CTNNA1: variants seen among roughly 807,000 people sequenced by gnomAD.
The protein encoded by CTNNA1 is catenin alpha 1, also known as catenin alpha-1.
Under a neutral mutation model 98.4 loss-of-function variants are expected in CTNNA1, and 37 were observed. That is an observed-to-expected ratio of 0.38 (90% CI 0.29 to 0.49). CTNNA1 has a LOEUF of 0.49. Ranked by LOEUF, CTNNA1 falls within the 20% of genes least tolerant of loss-of-function variation. The pLI, the probability that CTNNA1 is intolerant of heterozygous loss-of-function variation, is 0.95. For missense variants in CTNNA1, 761 were observed against 1,147.2 expected (o/e 0.66, Z 4.86); for synonymous variants, 404 against 413.2 (o/e 0.98, Z 0.27).
At chr5:138,886,961 AAATT>A (rs1393334321) in intron 8 of CTNNA1, among the ~76,000 whole-genome samples, 3 of 152,174 alleles carry the variant, frequency 2.0e-5, no homozygotes, top group Non-Finnish European at 4.4e-5. Flanking sequence ...ATATAAAACA[AAATT>A]AAAGATAAAA....
At chr5:138,823,382 A>G (rs1760234134) in intron 5 of CTNNA1, among the ~76,000 whole-genome samples, 1 of 152,198 alleles carries the variant, frequency 6.6e-6, no homozygotes. Context: ...GAAGAAATGA[A>G]AAAAAGTAGT....
At chr5:138,915,983 A>T (rs1761637817) in intron 10 of CTNNA1, among the ~76,000 whole-genome samples, 1 of 152,130 alleles carries the variant, frequency 6.6e-6, no homozygotes, top group East Asian at 1.9e-4. Flanking sequence ...TGGGAGAGGG[A>T]GGTTGCAGTG....
intron 7 of CTNNA1, among the ~76,000 whole-genome samples, chr5:138,866,851 A>C (rs1032030635): frequency 6.6e-6 from 1 of 152,184 alleles, no homozygotes; most frequent in African/African-American, 2.4e-5. Context: ...TGCAGTAGCT[A>C]TGACTTTCAC....
At chr5:138,855,924 C>T (rs1380542898) in intron 7 of CTNNA1, among the ~76,000 whole-genome samples, 1 of 152,084 alleles carries the variant, frequency 6.6e-6, no homozygotes, top group East Asian at 1.9e-4. Flanking sequence ...CTTATTATTA[C>T]AATTTTTGAA....
intron 10 of CTNNA1, among the ~76,000 whole-genome samples, chr5:138,916,151 A>G (rs1761689884): frequency 6.6e-6 from 1 of 151,046 alleles, no homozygotes; most frequent in African/African-American, 2.5e-5. Context: ...ACAAATCCAT[A>G]GAGATAGAAA....
intron 3 of CTNNA1, among the ~76,000 whole-genome samples, chr5:138,796,283 G>A (rs1266423798): frequency 1.3e-5 from 2 of 152,190 alleles, no homozygotes; most frequent in Admixed American, 6.5e-5. Flanking sequence ...TCGGCTGGGT[G>A]CGGTGGCTCA....
chr5:138,862,489 GGA>G, intron 7 of CTNNA1, among the ~76,000 whole-genome samples: 1 of 152,220 alleles, frequency 6.6e-6, no homozygotes. Context: ...TTATGATAAT[GGA>G]TAGTACTTGT....
At chr5:138,833,411 C>T (rs898275999) in intron 7 of CTNNA1, among the ~76,000 whole-genome samples, 3 of 152,202 alleles carry the variant, frequency 2.0e-5, no homozygotes, top group South Asian at 4.2e-4. Flanking sequence ...GTAAGTACAT[C>T]AGATTTCAGA....
At chr5:138,893,098 G>T (rs1254249016) in intron 9 of CTNNA1, among the ~76,000 whole-genome samples, 1 of 152,106 alleles carries the variant, frequency 6.6e-6, no homozygotes, top group Non-Finnish European at 1.5e-5. Flanking sequence ...TGATTTCCCT[G>T]AGCCTTTTAG....
At chr5:138,913,049 C>G (rs1760983388) in intron 10 of CTNNA1, among the ~76,000 whole-genome samples, 1 of 137,242 alleles carries the variant, frequency 7.3e-6, no homozygotes, top group Non-Finnish European at 1.6e-5. Flanking sequence ...TAGTATATAA[C>G]TGAAGTGACT....
chr5:138,871,757 G>A (rs1157298120), intron 7 of CTNNA1: 2 of 152,186 alleles, frequency 1.3e-5, no homozygotes, highest in Admixed American at 6.5e-5. Context: ...CATCTCAGTG[G>A]TGCTGTTTTC....
chr5:138,819,042 T>C (rs1759738613), intron 5 of CTNNA1, among the ~76,000 whole-genome samples: 1 of 147,116 alleles, frequency 6.8e-6, no homozygotes, highest in African/African-American at 2.5e-5. Flanking sequence ...ATTCTTTCCT[T>C]AGGGGGCAGG....
intron 1 of CTNNA1, among the ~76,000 whole-genome samples, chr5:138,775,719 T>C (rs900840808): frequency 1.5e-5 from 2 of 130,392 alleles, no homozygotes; most frequent in South Asian, 2.7e-4. Context: ...TATTTCTTTT[T>C]TTTTTTTTTT....
At chr5:138,866,671 T>C (rs1764815393) in intron 7 of CTNNA1, among the ~76,000 whole-genome samples, 3 of 152,182 alleles carry the variant, frequency 2.0e-5, no homozygotes, top group Non-Finnish European at 4.4e-5. Context: ...TATTTTCATT[T>C]GTAGGCTTCG....
At chr5:138,824,903 C>G in intron 6 of CTNNA1, 104 bp downstream of exon 6, 2 of 1,038,604 alleles carry the variant, frequency 1.9e-6, no homozygotes, top group South Asian at 3.1e-5. Flanking sequence ...GCTCAATTTC[C>G]ACTTAGATCT....
At chr5:138,883,846 A>G (rs1303100084) in intron 7 of CTNNA1, among the ~76,000 whole-genome samples, 1 of 152,228 alleles carries the variant, frequency 6.6e-6, no homozygotes, top group African/African-American at 2.4e-5. Flanking sequence ...ATTAATTATG[A>G]AGTCAGTTTG....
intron 7 of CTNNA1, among the ~76,000 whole-genome samples, chr5:138,844,032 G>A (rs1762490642): frequency 6.6e-6 from 1 of 151,964 alleles, no homozygotes; most frequent in African/African-American, 2.4e-5. Context: ...TTTTTTTGGA[G>A]ACTTGGCCCT....
At chr5:138,930,805 T>A (rs376793960) in intron 15 of CTNNA1, 25 bp from the exon 16 acceptor site, 14 of 1,556,090 alleles carry the variant, frequency 9.0e-6, no homozygotes, top group Non-Finnish European at 1.2e-5. Flanking sequence ...CATACAATAA[T>A]CCTTGTTCTC....
In CTNNA1 at chr5:138,825,482, G is replaced by GTTTTTTTTTTTTTTTTTTTTTT. The variant is rs756586452; in HGVS notation, c.858+699_858+700insTTTTTTTTTTTTTTTTTTTTTT. ...CTTCCAGTAGATGGCAGCAGTATAA[G>GTTTTTTTTTTTTTTTTTTTTTT]TTTTTTTTTTTTTTTTAGGGCTTTA... is the stretch of plus-strand genomic sequence containing the variant. On this transcript the variant is annotated intron_variant, in intron 6 of 17. Coordinates refer to ENST00000302763, the MANE Select transcript of CTNNA1 (RefSeq NM_001903.5). Among the ~76,000 whole-genome samples the GTTTTTTTTTTTTTTTTTTTTTT allele has an allele frequency of 4.0e-4, 30 of 74,110 alleles. 8 individuals are homozygous for GTTTTTTTTTTTTTTTTTTTTTT. The highest frequency in any genetic ancestry group is 3.4e-3 in the East Asian group (6 of 1,784). The allele number at this position is 74,110 out of a possible 152,430, so 48.6% of individuals were successfully genotyped here. A position where few individuals can be genotyped will look rare whatever the true frequency, so the allele number is the denominator to read the frequency against.
Sources: gnomAD v4.1 joint callset for allele counts (sites outside exome capture counted in the v4.1 genomes callset) on GRCh38, gnomAD v4.1.1 for gene constraint, MANE v1.5 for transcripts, NCBI Gene and HGNC (gene_info 2026-07-23, HGNC 2026-07-21) for gene names.